The following CACNA2D4 variants were observed in gnomAD, a reference collection of about 807,000 sequenced individuals.
The protein encoded by CACNA2D4 is voltage-dependent calcium channel subunit alpha-2/delta-4.
CACNA2D4 carries 157 observed loss-of-function variants against 163.8 expected under a neutral mutation model. The ratio of observed to expected loss-of-function variants is 0.96; its 90% CI spans 0.84 to 1.09. The LOEUF (loss-of-function observed/expected upper bound fraction) is 1.09, where lower values mean the gene tolerates loss of function less well. Among genes scored for constraint, CACNA2D4 ranks in the 50% least tolerant of loss-of-function variants. The pLI, the probability that CACNA2D4 is intolerant of heterozygous loss-of-function variation, is 0.00. For synonymous variants in CACNA2D4, 598 were observed against 586.9 expected, an observed-to-expected ratio of 1.02 and a Z score of -0.27; for missense variants, 1,410 against 1,479.9, an observed-to-expected ratio of 0.95 and a Z score of 0.78.
At chr12:1,825,595 C>T (rs554982999) in intron 26 of CACNA2D4, among the ~76,000 whole-genome samples, 2 of 152,276 alleles carry the variant, frequency 1.3e-5, no homozygotes, top group African/African-American at 4.8e-5. Flanking sequence ...CAGCCAGGTG[C>T]GTGTGTGCAT....
chr12:1,867,214 CT>C (rs1865671015), intron 18 of CACNA2D4, among the ~76,000 whole-genome samples: 1 of 152,038 alleles, frequency 6.6e-6, no homozygotes, highest in Non-Finnish European at 1.5e-5. Flanking sequence ...TGCTGAGATT[CT>C]TGGATCTGTA....
chr12:1,818,169 GGCA>G (rs1300423033), intron 26 of CACNA2D4, among the ~76,000 whole-genome samples: 1 of 148,138 alleles, frequency 6.8e-6, no homozygotes, highest in Non-Finnish European at 1.5e-5. Flanking sequence ...CCCTCCGCCC[GGCA>G]GCCGCCCCGT....
chr12:1,886,178 T>C, intron 8 of CACNA2D4, 45 bp downstream of exon 8: 1 of 1,603,454 alleles, frequency 6.2e-7, no homozygotes, highest in Non-Finnish European at 8.5e-7. Flanking sequence ...GTGTATGATT[T>C]CTAGAGCAAG....
intron 26 of CACNA2D4, among the ~76,000 whole-genome samples, chr12:1,830,197 C>A (rs1864559077): frequency 6.6e-6 from 1 of 152,234 alleles, no homozygotes; most frequent in East Asian, 1.9e-4. Flanking sequence ...TCCTGGGCCC[C>A]ATGACTTGTC....
At chr12:1,810,426 G>T in intron 28 of CACNA2D4, 86 bp from the exon 29 acceptor site, 2 of 1,527,764 alleles carry the variant, frequency 1.3e-6, no homozygotes, top group Non-Finnish European at 1.8e-6. Context: ...GGAAGGCAGC[G>T]TGGGAGCTTC....
intron 30 of CACNA2D4, 68 bp from the exon 31 acceptor site, chr12:1,801,186 CT>C: frequency 1.5e-6 from 2 of 1,337,952 alleles, no homozygotes; most frequent in Non-Finnish European, 2.1e-6. Context: ...CCTCAGGAGG[CT>C]TTACTAGCAG....
chr12:1,866,392 C>G (rs576215461), intron 18 of CACNA2D4, among the ~76,000 whole-genome samples: 1 of 152,138 alleles, frequency 6.6e-6, no homozygotes, highest in Non-Finnish European at 1.5e-5. Flanking sequence ...AATGCAACAT[C>G]GAAACTTTTG....
chr12:1,840,905 G>T (rs1455052982), intron 25 of CACNA2D4, 86 bp from the exon 26 acceptor site: 1 of 1,185,170 alleles, frequency 8.4e-7, no homozygotes, highest in African/African-American at 1.5e-5. Context: ...ATAGGAGATG[G>T]GAATAAAAGC....
At chr12:1,908,185 G>A (rs1866714690) in intron 4 of CACNA2D4, 148 bp from the exon 5 acceptor site, 1 of 805,980 alleles carries the variant, frequency 1.2e-6, no homozygotes, top group Non-Finnish European at 2.0e-6. Flanking sequence ...CGGCGCGCTG[G>A]GCACTGATCA....
chr12:1,885,435 A>T, intron 9 of CACNA2D4, among the ~76,000 whole-genome samples: 1 of 152,168 alleles, frequency 6.6e-6, no homozygotes, highest in Non-Finnish European at 1.5e-5. Context: ...TTCACAGCAG[A>T]AAGTGTGGAG....
At chr12:1,895,293 T>C (rs1039679627) in intron 6 of CACNA2D4, among the ~76,000 whole-genome samples, 2 of 152,084 alleles carry the variant, frequency 1.3e-5, no homozygotes, top group African/African-American at 4.8e-5. Context: ...AAAATGACCA[T>C]ACTGCCCAAA....
At chr12:1,873,278 G>T (rs1415412849) in intron 18 of CACNA2D4, among the ~76,000 whole-genome samples, 1 of 152,174 alleles carries the variant, frequency 6.6e-6, no homozygotes, top group African/African-American at 2.4e-5. Context: ...TTATGTTGAA[G>T]CACCCGTATA....
At position 1,810,589 on chromosome 12, in the gene CACNA2D4, T is replaced by G; in HGVS notation, c.2614-2A>C. 6.4e-7 allele frequency: 1 copy of G among 1,553,296 alleles called. No individual in the cohort carries two copies. Among genetic ancestry groups the G allele is most frequent in the Non-Finnish European group, 8.7e-7 (1 of 1,147,832 alleles). On this transcript the variant is annotated splice_acceptor_variant, in intron 27 of 37. Transcript: ENST00000382722. LOFTEE classifies it high-confidence loss of function. ...GCACGGCCCATCCACAGTGCTGCAC[T>G]GGAAGGAAGAGGAGAGACTGAATGT...
intron 6 of CACNA2D4, among the ~76,000 whole-genome samples, chr12:1,900,308 A>C (rs1866506098): frequency 6.6e-6 from 1 of 152,052 alleles, no homozygotes; most frequent in Non-Finnish European, 1.5e-5. Flanking sequence ...ATTTTTAAAA[A>C]ATTTTTGGTG....
At position 1,816,864 on chromosome 12, in the gene CACNA2D4, G is replaced by A. The variant is rs545939243; in HGVS notation, c.2552-5141C>T. On this transcript the variant is annotated intron_variant, in intron 26 of 37. Transcript: ENST00000382722. Reference sequence around the variant, plus strand: ...CGCACACATGGACACACAGGCATACGCACACACTTGCACACACATGCATAT... The same window carrying A: ...CGCACACATGGACACACAGGCATACACACACACTTGCACACACATGCATAT... 2.8e-3 allele frequency among the ~76,000 whole-genome samples: 425 copies of A among 152,086 alleles called. 4 individuals carry two copies. Among genetic ancestry groups the A allele is most frequent in the African/African-American group, 9.8e-3 (405 of 41,476 alleles).
chr12:1,800,997 G>GGACT, intron 31 of CACNA2D4, 46 bp downstream of exon 31: 1 of 1,566,504 alleles, frequency 6.4e-7, no homozygotes, highest in Non-Finnish European at 8.8e-7. Context: ...ACAGGGCAGA[G>GGACT]GACTGGCTGG....
chr12:1,824,898 C>T (rs866476335), intron 26 of CACNA2D4, among the ~76,000 whole-genome samples: 3 of 152,292 alleles, frequency 2.0e-5, no homozygotes, highest in East Asian at 1.9e-4. Context: ...CTGCAAGCTG[C>T]GCTATTTTTC....
chr12:1,853,325 A>C (rs1028215956), intron 23 of CACNA2D4, among the ~76,000 whole-genome samples: 5 of 152,202 alleles, frequency 3.3e-5, no homozygotes, highest in African/African-American at 9.6e-5. Context: ...AAAATTCTGT[A>C]GGTGTTTTTT....
At chr12:1,898,376 A>G (rs1222591654) in intron 6 of CACNA2D4, among the ~76,000 whole-genome samples, 1 of 151,764 alleles carries the variant, frequency 6.6e-6, no homozygotes, top group Non-Finnish European at 1.5e-5. Context: ...CTATGACTCA[A>G]CAACAACAAC....
Sources: allele counts gnomAD v4.1 joint callset (sites outside exome capture counted in the v4.1 genomes callset), GRCh38; gene constraint gnomAD v4.1.1; transcripts MANE v1.5; gene names NCBI Gene and HGNC (gene_info 2026-07-23, HGNC 2026-07-21).